CHSY1: variants seen among roughly 807,000 people sequenced by gnomAD.
CHSY1 encodes the protein chondroitin sulfate synthase 1.
Under a neutral mutation model 59.8 loss-of-function variants are expected in CHSY1, and 13 were observed. The ratio of observed to expected loss-of-function variants is 0.22; its 90% CI spans 0.14 to 0.35. CHSY1 has a LOEUF of 0.35. CHSY1 is among the 10% of genes least tolerant of loss of function. The pLI, the probability that CHSY1 is intolerant of heterozygous loss-of-function variation, is 1.00. For missense variants in CHSY1, 947 were observed against 1,030.6 expected (o/e 0.92, Z 1.11); for synonymous variants, 459 against 401.2 (o/e 1.14, Z -1.72).
intron 2 of CHSY1, among the ~76,000 whole-genome samples, chr15:101,220,447 G>A (rs942722371): frequency 6.6e-6 from 1 of 152,092 alleles, no homozygotes; most frequent in Non-Finnish European, 1.5e-5. Flanking sequence ...AACTGCTCAG[G>A]CAACCTGTCT....
chr15:101,212,467 CTG>C (rs2038691514), intron 2 of CHSY1, among the ~76,000 whole-genome samples: 1 of 152,198 alleles, frequency 6.6e-6, no homozygotes, highest in Admixed American at 6.5e-5. Flanking sequence ...ATACACACGA[CTG>C]TATGGATGAG....
At chr15:101,196,158 A>G (rs895231276) in intron 2 of CHSY1, among the ~76,000 whole-genome samples, 3 of 151,148 alleles carry the variant, frequency 2.0e-5, no homozygotes, top group African/African-American at 7.3e-5. Flanking sequence ...AATGACTTGA[A>G]CCTGGGAGAC....
At chr15:101,181,198 T>A (rs1435752207) in intron 2 of CHSY1, among the ~76,000 whole-genome samples, 4 of 152,046 alleles carry the variant, frequency 2.6e-5, no homozygotes, top group Admixed American at 6.5e-5. Flanking sequence ...CACCTGAGGA[T>A]CTCATGGTAA....
chr15:101,199,898 A>AT (rs1298801822), intron 2 of CHSY1, among the ~76,000 whole-genome samples: 1 of 152,204 alleles, frequency 6.6e-6, no homozygotes, highest in Non-Finnish European at 1.5e-5. Flanking sequence ...GCGTATGTTC[A>AT]TTTGATCCCT....
At position 101,248,830 on chromosome 15, in the gene CHSY1, A is replaced by G. The variant is rs141982577; in HGVS notation, c.320+2307T>C. On this transcript the variant is annotated intron_variant, in intron 1 of 2. Coordinates refer to ENST00000254190, the MANE Select transcript of CHSY1 (RefSeq NM_014918.5). ...GAGACGGAGTCTTGCTCTGCCCCCC[A>G]GGATGGAGCGCAGTGACGCAATCTC... Among the ~76,000 whole-genome samples the G allele has an allele frequency of 5.6e-3, 849 of 152,224 alleles. 6 individuals carry two copies. Among genetic ancestry groups the G allele is most frequent in the African/African-American group, 0.02 (813 of 41,534 alleles).
At chr15:101,183,282 G>A (rs1042701081) in intron 2 of CHSY1, among the ~76,000 whole-genome samples, 1 of 152,124 alleles carries the variant, frequency 6.6e-6, no homozygotes, top group Non-Finnish European at 1.5e-5. Context: ...TAAGTATCCA[G>A]TATAAAAAGT....
At chr15:101,204,926 A>G (rs1224617978) in intron 2 of CHSY1, among the ~76,000 whole-genome samples, 1 of 152,134 alleles carries the variant, frequency 6.6e-6, no homozygotes, top group East Asian at 1.9e-4. Flanking sequence ...CACAAAAAAG[A>G]CCATCTGGCA....
chr15:101,251,717 G>T lies in CHSY1; in HGVS notation c.-261C>A, dbSNP rs1226516952. On this transcript the variant is annotated 5_prime_UTR_variant, in exon 1 of 3. Coordinates refer to ENST00000254190, the MANE Select transcript of CHSY1 (RefSeq NM_014918.5). The stretch of plus-strand genomic sequence containing the variant: ...ACCATGCCCGGCGCGCGCTAGCGGC[G>T]GCTCGGGCGCGAGGTGGCGGCGGCT... The T allele has an allele frequency of 1.4e-5, 2 of 148,048 alleles. No individual in the cohort carries two copies. The highest frequency in any genetic ancestry group is 6.7e-5 in the Admixed American group (1 of 14,924). The allele number at this position is 148,048 out of a possible 1,614,324, so 9.2% of individuals were successfully genotyped here. A position where few individuals can be genotyped will look rare whatever the true frequency, so the allele number is the denominator to read the frequency against.
chr15:101,226,574 C>T (rs2038844105), intron 2 of CHSY1, among the ~76,000 whole-genome samples: 1 of 152,132 alleles, frequency 6.6e-6, no homozygotes, highest in African/African-American at 2.4e-5. Context: ...CCTTACCCTT[C>T]GCCCCACTCT....
chr15:101,240,735 C>G (rs760792943), intron 1 of CHSY1, among the ~76,000 whole-genome samples: 2 of 152,154 alleles, frequency 1.3e-5, no homozygotes, highest in Non-Finnish European at 2.9e-5. Flanking sequence ...GAAAAAAAAT[C>G]AGACTTTGGT....
At chr15:101,185,106 T>C (rs2038338041) in intron 2 of CHSY1, among the ~76,000 whole-genome samples, 1 of 152,218 alleles carries the variant, frequency 6.6e-6, no homozygotes, top group South Asian at 2.1e-4. Flanking sequence ...GTACAAAGCC[T>C]TGTCATAAAT....
At chr15:101,191,959 T>C (rs1023107313) in intron 2 of CHSY1, among the ~76,000 whole-genome samples, 59 of 152,292 alleles carry the variant, frequency 3.9e-4, no homozygotes, top group African/African-American at 1.3e-3. Context: ...TCAGATCCTT[T>C]GTGGAAAGAG....
In CHSY1 at chr15:101,176,553, T is replaced by G; in HGVS notation, c.*835A>C. 1 of 396,752 alleles carries G rather than the reference T, an allele frequency of 2.5e-6. No homozygotes were observed. The highest frequency in any genetic ancestry group is 4.4e-6 in the Non-Finnish European group (1 of 225,418). The allele number at this position is 396,752 out of a possible 1,614,324, so 24.6% of individuals were successfully genotyped here. ...ACTACCACGAGAACAGCCACATACC[T>G]CACTGTGCCTTCTTCACGCCCCTTG... On this transcript the variant is annotated 3_prime_UTR_variant, in exon 3 of 3. Coordinates refer to ENST00000254190, the MANE Select transcript of CHSY1 (RefSeq NM_014918.5).
chr15:101,237,531 G>T (rs771529339), intron 1 of CHSY1, among the ~76,000 whole-genome samples: 1 of 152,176 alleles, frequency 6.6e-6, no homozygotes, highest in Non-Finnish European at 1.5e-5. Flanking sequence ...CCACATAAAG[G>T]GTTTAAGAGA....
At chr15:101,184,646 G>A (rs573348849) in intron 2 of CHSY1, among the ~76,000 whole-genome samples, 11 of 152,016 alleles carry the variant, frequency 7.2e-5, no homozygotes, top group East Asian at 1.9e-4. Flanking sequence ...CACCCAGCCC[G>A]GCCATTTTCT....
intron 2 of CHSY1, among the ~76,000 whole-genome samples, chr15:101,220,332 TA>T (rs1371738004): frequency 6.6e-6 from 1 of 152,154 alleles, no homozygotes; most frequent in Non-Finnish European, 1.5e-5. Context: ...CCCGTGTACT[TA>T]AATACCATCA....
At chr15:101,188,774 A>T (rs1029061057) in intron 2 of CHSY1, among the ~76,000 whole-genome samples, 3 of 152,238 alleles carry the variant, frequency 2.0e-5, no homozygotes, top group Non-Finnish European at 4.4e-5. Context: ...AAGTAAAGCG[A>T]TAAAACTGAA....
chr15:101,177,385 A>C lies in CHSY1; in HGVS notation c.*3T>G. 1.9e-6 allele frequency: 3 copies of C among 1,606,634 alleles called. No homozygotes were observed. The highest frequency in any genetic ancestry group is 2.5e-6 in the Non-Finnish European group (3 of 1,178,118). On this transcript the variant is annotated 3_prime_UTR_variant, in exon 3 of 3. Transcript: ENST00000254190. ...AAAACGTCTTTTCCAGCAAAGCTGGACATTAGGCTGTCCTCACTGAGCCAT... is the reference window on the plus strand; with the variant it reads ...AAAACGTCTTTTCCAGCAAAGCTGGCCATTAGGCTGTCCTCACTGAGCCAT...
intron 2 of CHSY1, among the ~76,000 whole-genome samples, chr15:101,208,315 C>T (rs1002135775): frequency 3.3e-5 from 5 of 152,024 alleles, no homozygotes; most frequent in African/African-American, 9.7e-5. Flanking sequence ...AGAGACTCTT[C>T]GAGAGATGGC....
Sources: allele counts gnomAD v4.1 joint callset (sites outside exome capture counted in the v4.1 genomes callset), GRCh38; gene constraint gnomAD v4.1.1; transcripts MANE v1.5; gene names NCBI Gene and HGNC (gene_info 2026-07-23, HGNC 2026-07-21).